The following DOCK8 variants were observed in gnomAD, a reference collection of about 807,000 sequenced individuals.
DOCK8 encodes dedicator of cytokinesis 8.
A neutral mutation model predicts 245.6 loss-of-function variants in DOCK8; 141 were observed. The observed-to-expected ratio is 0.57, with a 90% CI of 0.50 to 0.66. The LOEUF (loss-of-function observed/expected upper bound fraction) is 0.66, where lower values mean the gene tolerates loss of function less well. DOCK8 is among the 30% of genes least tolerant of loss of function. The pLI, the probability that DOCK8 is intolerant of heterozygous loss-of-function variation, is 0.00. For synonymous variants in DOCK8, 1,168 were observed against 970.2 expected (o/e 1.20, Z -3.79); for missense variants, 2,965 against 2,603.4 (o/e 1.14, Z -3.02).
intron 7 of DOCK8, among the ~76,000 whole-genome samples, chr9:323,361 T>C (rs867553074): frequency 9.9e-5 from 15 of 151,420 alleles, no homozygotes; most frequent in Non-Finnish European, 7.4e-5. Context: ...GTAGCTGGGA[T>C]TACAGGCACT....
At position 372,252 on chromosome 9, in the gene DOCK8, A is replaced by T; in HGVS notation, c.2075A>T (p.Lys692Ile). 3.7e-6 allele frequency: 6 copies of T among 1,614,090 alleles called. No homozygotes were observed. Among genetic ancestry groups the T allele is most frequent in the Non-Finnish European group, 4.2e-6 (5 of 1,180,012 alleles). Residue 692 changes from lysine (K) to isoleucine (I), a missense_variant, in exon 18 of 48, where the codon AAA (lysine) becomes ATA (isoleucine). By Grantham distance (102) the Lys-to-Ile change is moderately radical. Coordinates refer to ENST00000432829, the MANE Select transcript of DOCK8 (RefSeq NM_203447.4). ...TACTGTCTCCCAGTTGCCTTGGAAA[A>T]ATTGCCACCCAACTACTCCATGCAT... ...GSYCLPVALE[K>I]LPPNYSMHSA...
At chr9:360,179 G>T (rs1369463077) in intron 14 of DOCK8, among the ~76,000 whole-genome samples, 1 of 152,044 alleles carries the variant, frequency 6.6e-6, no homozygotes, top group African/African-American at 2.4e-5. Flanking sequence ...AGCCGGGCCT[G>T]GTAGCATGCT....
chr9:415,355 C>A (rs1485993237), intron 29 of DOCK8, among the ~76,000 whole-genome samples: 2 of 151,882 alleles, frequency 1.3e-5, no homozygotes, highest in African/African-American at 4.8e-5. Flanking sequence ...AAAAAGCGGT[C>A]TCAAATGAAC....
chr9:413,980 A>G, intron 28 of DOCK8, among the ~76,000 whole-genome samples: 1 of 152,160 alleles, frequency 6.6e-6, no homozygotes, highest in East Asian at 1.9e-4. Context: ...TGTCTCTACT[A>G]AAAATACAAA....
chr9:441,203 T>G, intron 40 of DOCK8, 83 bp from the exon 41 acceptor site: 3 of 1,571,768 alleles, frequency 1.9e-6, no homozygotes, highest in African/African-American at 1.3e-5. Flanking sequence ...CTCCAGCACA[T>G]TGTTTGGACA....
chr9:246,219 G>GA (rs1034333009), intron 1 of DOCK8, among the ~76,000 whole-genome samples: 200 of 147,134 alleles, frequency 1.4e-3, no homozygotes, highest in Non-Finnish European at 2.4e-3. Context: ...ACCCATCTCA[G>GA]AAAAAAAAAA....
At chr9:297,733 A>G (rs1199167757) in intron 4 of DOCK8, among the ~76,000 whole-genome samples, 1 of 152,116 alleles carries the variant, frequency 6.6e-6, no homozygotes, top group African/African-American at 2.4e-5. Flanking sequence ...TCTCCTCCCC[A>G]GCCAGGTTCA....
At chr9:383,349 A>G (rs938719213) in intron 22 of DOCK8, among the ~76,000 whole-genome samples, 8 of 152,172 alleles carry the variant, frequency 5.3e-5, no homozygotes, top group African/African-American at 1.9e-4. Flanking sequence ...CCTGGCTGAC[A>G]TGGTGAAACC....
chr9:331,450 C>G (rs546718114), intron 9 of DOCK8, among the ~76,000 whole-genome samples: 1 of 152,302 alleles, frequency 6.6e-6, no homozygotes, highest in South Asian at 2.1e-4. Flanking sequence ...CCCATAAATG[C>G]CCCTTTATCA....
intron 14 of DOCK8, chr9:365,624 A>G (rs1466165306): frequency 2.2e-6 from 1 of 455,832 alleles, no homozygotes; most frequent in African/African-American, 2.0e-5. Flanking sequence ...TTGCTCATTA[A>G]TGCTCACCAC....
rs149380140 is a variant in DOCK8, at chr9:458,586, G to C, written c.6069-4931G>C. Among the ~76,000 whole-genome samples the C allele has an allele frequency of 1.6e-3, 249 of 152,296 alleles. 2 individuals carry two copies. Among genetic ancestry groups the C allele is most frequent in the African/African-American group, 5.7e-3 (238 of 41,552 alleles). On this transcript the variant is annotated intron_variant, in intron 46 of 47. Transcript: ENST00000432829. The stretch of plus-strand genomic sequence containing the variant: ...GTACTTTGGGAGGCTGAGGTGGGCG[G>C]ATCACTTGAGCTCACAAGTTCGAGA...
Position 441,998 on chromosome 9 carries a change from C to T in DOCK8, c.5479C>T (p.His1827Tyr). Reference protein sequence around the residue: ...PAITKLPEISHRLEAFYGQCF... With the variant: ...PAITKLPEISYRLEAFYGQCF... ...AATTACCAAGCTTCCTGAGATCTCA[C>T]ATAGACTAGAGGTAAGAAAAGTGAT... The change falls in exon 42 of 48, where the codon CAT becomes TAT. Residue 1827 changes from histidine (H) to tyrosine (Y), a missense_variant. Coordinates refer to ENST00000432829, the MANE Select transcript of DOCK8 (RefSeq NM_203447.4). 6.2e-7 allele frequency: 1 copy of T among 1,614,008 alleles called. No individual in the cohort carries two copies. Among genetic ancestry groups the T allele is most frequent in the East Asian group, 2.2e-5 (1 of 44,860 alleles).
upstream of DOCK8, chr9:214,158 A>C (rs2046677753): frequency 6.6e-6 from 2 of 304,782 alleles, no homozygotes; most frequent in South Asian, 3.3e-5. Flanking sequence ...TCCCGTCAAC[A>C]CTGGGACTTT....
At chr9:427,522 T>A (rs139306073) in intron 34 of DOCK8, among the ~76,000 whole-genome samples, 133 of 152,348 alleles carry the variant, frequency 8.7e-4, no homozygotes, top group African/African-American at 3.0e-3. Flanking sequence ...CTTTGTACCA[T>A]ACTAATTTTA....
At chr9:389,784 G>C (rs2054105273) in intron 23 of DOCK8, among the ~76,000 whole-genome samples, 1 of 152,152 alleles carries the variant, frequency 6.6e-6, no homozygotes, top group Non-Finnish European at 1.5e-5. Context: ...GGGAGGCCAA[G>C]GCGGGTGGAT....
intron 1 of DOCK8, among the ~76,000 whole-genome samples, chr9:219,422 G>T (rs897693685): frequency 6.6e-6 from 1 of 152,140 alleles, no homozygotes; most frequent in South Asian, 2.1e-4. Context: ...AGTGAGCTGA[G>T]ATGTGCCACT....
Position 420,968 on chromosome 9 carries a change from A to C in DOCK8, c.4043A>C (p.Lys1348Thr), listed in dbSNP as rs199920672. The change falls in exon 32 of 48, where the codon AAA becomes ACA. Residue 1348 changes from lysine (K) to threonine (T), a missense_variant. Coordinates refer to ENST00000432829, the MANE Select transcript of DOCK8 (RefSeq NM_203447.4). ...GTCCAGGGAAAACAGAGTTCTGACA[A>C]AGTCAGTACCCAAGTCCTGCAGAAG... ...FEYKGKQSSD[K>T]VSTQVLQKSR... 12 of 1,614,088 alleles carry C rather than the reference A, an allele frequency of 7.4e-6. No homozygotes were observed. Among genetic ancestry groups the C allele is most frequent in the Non-Finnish European group, 9.3e-6 (11 of 1,180,046 alleles).
intron 31 of DOCK8, among the ~76,000 whole-genome samples, 159 bp downstream of exon 31, chr9:420,742 T>G (rs1483137879): frequency 6.6e-6 from 1 of 152,228 alleles, no homozygotes; most frequent in East Asian, 1.9e-4. Flanking sequence ...ATATGATCAT[T>G]TCACAGGGAA....
At chr9:241,496 C>T (rs1008565948) in intron 1 of DOCK8, among the ~76,000 whole-genome samples, 3 of 152,144 alleles carry the variant, frequency 2.0e-5, no homozygotes, top group African/African-American at 7.2e-5. Context: ...ACTTTCTGTT[C>T]CTGGCTTATT....
Sources: gnomAD v4.1 joint callset for allele counts (sites outside exome capture counted in the v4.1 genomes callset) on GRCh38, gnomAD v4.1.1 for gene constraint, MANE v1.5 for transcripts, NCBI Gene and HGNC (gene_info 2026-07-23, HGNC 2026-07-21) for gene names.